Variants in TSHZ2 observed in about 807,000 individuals in gnomAD.
The protein encoded by TSHZ2 is teashirt zinc finger homeobox 2.
TSHZ2 carries 21 observed loss-of-function variants against 74.4 expected under a neutral mutation model. The observed-to-expected ratio is 0.28, with a 90% CI of 0.20 to 0.41. TSHZ2 has a LOEUF of 0.41. TSHZ2 is among the 10% of genes least tolerant of loss of function. TSHZ2 has a pLI of 1.00. For missense variants in TSHZ2, 1,244 were observed against 1,293.5 expected (o/e 0.96, Z 0.59); for synonymous variants, 540 against 515.3 (o/e 1.05, Z -0.65).
chr20:53,118,747 A>G (rs989599663), intron 1 of TSHZ2, among the ~76,000 whole-genome samples: 2 of 152,156 alleles, frequency 1.3e-5, no homozygotes, highest in Admixed American at 6.5e-5. Flanking sequence ...ATAGCCATAG[A>G]ATGGCCACAC....
chr20:53,063,565 T>C (rs960376894), intron 1 of TSHZ2, among the ~76,000 whole-genome samples: 2 of 152,222 alleles, frequency 1.3e-5, no homozygotes, highest in African/African-American at 4.8e-5. Flanking sequence ...ATAGTCTAAT[T>C]ACTTAAGTAG....
At chr20:53,292,447 ATTTTTT>A (rs149635565) in intron 2 of TSHZ2, among the ~76,000 whole-genome samples, 2 of 141,366 alleles carry the variant, frequency 1.4e-5, no homozygotes, top group African/African-American at 5.2e-5. Context: ...CAAACCACCT[ATTTTTT>A]TTTTTTTTTT....
intron 2 of TSHZ2, among the ~76,000 whole-genome samples, chr20:53,409,297 C>T (rs146155771): frequency 0.011 from 1,632 of 151,962 alleles, 18 homozygotes; most frequent in Middle Eastern, 0.024. Flanking sequence ...AAACAGTTGG[C>T]GATTCCTATT....
chr20:53,116,646 A>G (rs1986675437), intron 1 of TSHZ2, among the ~76,000 whole-genome samples: 2 of 152,150 alleles, frequency 1.3e-5, no homozygotes, highest in East Asian at 3.9e-4. Flanking sequence ...GCCTTTTTGC[A>G]TGGCATGAAC....
chr20:53,111,467 C>A lies in TSHZ2; in HGVS notation c.40+138134C>A, dbSNP rs184251995. Among the ~76,000 whole-genome samples, 3 of 152,246 alleles carry A rather than the reference C, an allele frequency of 2.0e-5. No homozygotes were observed. The East Asian group carries it at 5.8e-4, about 30-fold the overall frequency. On this transcript the variant is annotated intron_variant, in intron 1 of 2. Transcript: ENST00000371497. Reference sequence around the variant, plus strand: ...TCTGGGCCCAGACTGATAAAGCAGCCACCCTTTGAAACATGGTGCTTACCA... The same window carrying A: ...TCTGGGCCCAGACTGATAAAGCAGCAACCCTTTGAAACATGGTGCTTACCA...
At chr20:53,138,192 C>T (rs1008312141) in intron 1 of TSHZ2, among the ~76,000 whole-genome samples, 1 of 152,038 alleles carries the variant, frequency 6.6e-6, no homozygotes, top group Non-Finnish European at 1.5e-5. Flanking sequence ...ACCATCCTGG[C>T]TAACACGGTG....
intron 2 of TSHZ2, among the ~76,000 whole-genome samples, chr20:53,270,735 G>A (rs2123758870): frequency 6.6e-6 from 1 of 152,234 alleles, no homozygotes; most frequent in Middle Eastern, 3.4e-3. Flanking sequence ...ACCACTCGGG[G>A]CCTTCAGCAA....
At chr20:53,204,225 ATATGATGATATGATACTATAT>A (rs1475626824) in intron 1 of TSHZ2, among the ~76,000 whole-genome samples, 11 of 146,336 alleles carry the variant, frequency 7.5e-5, no homozygotes, top group Non-Finnish European at 9.1e-5. Flanking sequence ...CTATATCATC[ATATGATGATATGATACTATAT>A]CATCATATGA....
At chr20:53,371,115 T>G (rs1270118803) in intron 2 of TSHZ2, among the ~76,000 whole-genome samples, 1 of 152,120 alleles carries the variant, frequency 6.6e-6, no homozygotes, top group Non-Finnish European at 1.5e-5. Context: ...AGTCATTGCT[T>G]TTCGGGCCTA....
rs1555813617 is a variant in TSHZ2, at chr20:53,001,228, G to GTGTGTGTGTGTGTGTGTA, written c.40+27912_40+27913insATGTGTGTGTGTGTGTGT. 1.3e-3 allele frequency among the ~76,000 whole-genome samples: 192 copies of GTGTGTGTGTGTGTGTGTA among 143,476 alleles called. 2 individuals are homozygous for GTGTGTGTGTGTGTGTGTA. Among genetic ancestry groups the GTGTGTGTGTGTGTGTGTA allele is most frequent in the Middle Eastern group, 7.1e-3 (2 of 282 alleles). 94.1% of individuals were successfully genotyped at this position (143,476 alleles called of 152,430 possible). Reference sequence around the variant, plus strand: ...TGCGTGTGTGTGTGTGTGTGTGTGTGTGTGTGTGTGTGTGTGTGTGTGTGT... The same window carrying GTGTGTGTGTGTGTGTGTA: ...TGCGTGTGTGTGTGTGTGTGTGTGTGTGTGTGTGTGTGTGTGTATGTGTGTGTGTGTGTGTGTGTGTGT... On this transcript the variant is annotated intron_variant, in intron 1 of 2. Transcript: ENST00000371497.
intron 1 of TSHZ2, among the ~76,000 whole-genome samples, chr20:52,980,332 A>G (rs1981516260): frequency 6.6e-6 from 1 of 152,162 alleles, no homozygotes; most frequent in South Asian, 2.1e-4. Flanking sequence ...TCTCTCTCCA[A>G]AGACTAATTT....
chr20:53,115,528 C>T (rs117142575), intron 1 of TSHZ2, among the ~76,000 whole-genome samples: 5,025 of 152,238 alleles, frequency 0.033, 417 homozygotes, highest in East Asian at 0.3. Flanking sequence ...ACTGTGAGTC[C>T]GTTAACCCTC....
chr20:52,989,923 A>G (rs1981916734), intron 1 of TSHZ2, among the ~76,000 whole-genome samples: 1 of 151,660 alleles, frequency 6.6e-6, no homozygotes, highest in South Asian at 2.1e-4. Context: ...AAAAAAGAAA[A>G]AGAGAGATGA....
In TSHZ2 at chr20:53,416,586, C is replaced by G. The variant is rs1179934734; in HGVS notation, c.*9-70558C>G. Reference sequence around the variant, plus strand: ...CACACCCATCGTTTACATATTGCTGCCTTAACTCTGCAATGGCTTAGTTGA... The same window carrying G: ...CACACCCATCGTTTACATATTGCTGGCTTAACTCTGCAATGGCTTAGTTGA... On this transcript the variant is annotated intron_variant, in intron 2 of 2. Coordinates refer to ENST00000371497, the MANE Select transcript of TSHZ2 (RefSeq NM_173485.6). Among the ~76,000 whole-genome samples, 5 of 152,192 alleles carry G rather than the reference C, an allele frequency of 3.3e-5. No individual in the cohort carries two copies. The East Asian group carries it at 9.6e-4, about 29-fold the overall frequency.
chr20:53,275,754 C>T (rs1990933923), intron 2 of TSHZ2, among the ~76,000 whole-genome samples: 1 of 152,124 alleles, frequency 6.6e-6, no homozygotes, highest in Non-Finnish European at 1.5e-5. Flanking sequence ...ATGGAGAAAC[C>T]CCATCTCTAC....
rs534741229 is a variant in TSHZ2 at position 53,347,558 on chromosome 20, A to G, written c.*8+90987A>G. Among the ~76,000 whole-genome samples the G allele has an allele frequency of 1.2e-4, 19 of 152,256 alleles. No homozygotes were observed. In the South Asian group the frequency reaches 2.1e-3, roughly 17 times the overall value. ...CATATATGACTACACTGTATTAAAT[A>G]TTGATTTATTTATTGTCTGTCTCTA... On this transcript the variant is annotated intron_variant, in intron 2 of 2. Transcript: ENST00000371497.
chr20:53,468,545 T>C (rs2145829511), intron 2 of TSHZ2, among the ~76,000 whole-genome samples: 1 of 152,146 alleles, frequency 6.6e-6, no homozygotes, highest in Non-Finnish European at 1.5e-5. Context: ...TTGCACACAC[T>C]GGTGAAGAGA....
At chr20:53,202,724 T>C (rs933658363) in intron 1 of TSHZ2, among the ~76,000 whole-genome samples, 3 of 152,218 alleles carry the variant, frequency 2.0e-5, no homozygotes, top group African/African-American at 7.2e-5. Context: ...GCCTTCATTC[T>C]AGGCTGCCTG....
At chr20:52,977,599 G>T (rs1189807109) in intron 1 of TSHZ2, among the ~76,000 whole-genome samples, 3 of 152,028 alleles carry the variant, frequency 2.0e-5, no homozygotes, top group African/African-American at 7.3e-5. Context: ...CAACATTTTG[G>T]ACGGAAATTG....
Sources: allele counts gnomAD v4.1 joint callset (sites outside exome capture counted in the v4.1 genomes callset), GRCh38; gene constraint gnomAD v4.1.1; transcripts MANE v1.5; gene names NCBI Gene and HGNC (gene_info 2026-07-23, HGNC 2026-07-21).